Variants in CDH18 observed in about 807,000 individuals in gnomAD.
The protein encoded by CDH18 is cadherin-18.
A neutral mutation model predicts 67.9 loss-of-function variants in CDH18; 31 were observed. That is an observed-to-expected ratio of 0.46 (90% CI 0.34 to 0.62). The LOEUF is 0.62. Among genes scored for constraint, CDH18 ranks in the 20% least tolerant of loss-of-function variants. The pLI is 0.01. For synonymous variants in CDH18, 362 were observed against 347.2 expected (o/e 1.04, Z -0.48); for missense variants, 890 against 975.5 (o/e 0.91, Z 1.17).
At chr5:19,707,562 TA>T (rs1764131779) in intron 5 of CDH18, among the ~76,000 whole-genome samples, 1 of 152,174 alleles carries the variant, frequency 6.6e-6, no homozygotes, top group Non-Finnish European at 1.5e-5. Context: ...AAGGAACTGT[TA>T]TGAATATTTC....
At chr5:19,866,756 C>T (rs1338919461) in intron 2 of CDH18, among the ~76,000 whole-genome samples, 1 of 152,020 alleles carries the variant, frequency 6.6e-6, no homozygotes, top group Non-Finnish European at 1.5e-5. Context: ...TATAGTCATT[C>T]CACTCAATAG....
At chr5:20,568,384 T>C (rs949399834) in intron 1 of CDH18, among the ~76,000 whole-genome samples, 8 of 152,110 alleles carry the variant, frequency 5.3e-5, no homozygotes, top group African/African-American at 1.9e-4. Flanking sequence ...GTCACTTAGA[T>C]TGAAGGAAAA....
At chr5:20,167,434 A>G (rs1203413021) in intron 2 of CDH18, among the ~76,000 whole-genome samples, 1 of 152,016 alleles carries the variant, frequency 6.6e-6, no homozygotes, top group East Asian at 1.9e-4. Context: ...GAATTTAGAG[A>G]GCTCTCAGTC....
At chr5:20,216,278 A>C (rs543520708) in intron 2 of CDH18, among the ~76,000 whole-genome samples, 21 of 152,076 alleles carry the variant, frequency 1.4e-4, no homozygotes, top group African/African-American at 5.1e-4. Flanking sequence ...GAAAAATGGC[A>C]CCAAAAGACT....
chr5:20,023,323 C>T (rs910636806), intron 2 of CDH18, among the ~76,000 whole-genome samples: 3 of 152,114 alleles, frequency 2.0e-5, no homozygotes, highest in Non-Finnish European at 4.4e-5. Context: ...TGTTCCCTTT[C>T]TCTAATATTA....
At chr5:20,414,544 T>C (rs911406749) in intron 1 of CDH18, among the ~76,000 whole-genome samples, 1 of 152,156 alleles carries the variant, frequency 6.6e-6, no homozygotes, top group Non-Finnish European at 1.5e-5. Flanking sequence ...ATGGATTCAA[T>C]AGTAGCCCAA....
chr5:20,178,622 T>C (rs1485471583), intron 2 of CDH18, among the ~76,000 whole-genome samples: 2 of 151,488 alleles, frequency 1.3e-5, no homozygotes, highest in Non-Finnish European at 2.9e-5. Flanking sequence ...GTAATAAGTG[T>C]CCTGCTTTTC....
chr5:19,946,897 G>A (rs1202152013), intron 2 of CDH18, among the ~76,000 whole-genome samples: 2 of 152,014 alleles, frequency 1.3e-5, no homozygotes, highest in Non-Finnish European at 2.9e-5. Flanking sequence ...CGGTCAAGTG[G>A]GGTTTATTCA....
chr5:19,813,718 C>T (rs968021897), intron 3 of CDH18, among the ~76,000 whole-genome samples: 1 of 152,074 alleles, frequency 6.6e-6, no homozygotes, highest in Non-Finnish European at 1.5e-5. Flanking sequence ...GATATTTAAA[C>T]ACATTTGAAT....
intron 4 of CDH18, among the ~76,000 whole-genome samples, chr5:19,745,908 A>T (rs1255476642): frequency 6.6e-6 from 1 of 151,914 alleles, no homozygotes; most frequent in Non-Finnish European, 1.5e-5. Context: ...ATTTTTAAAA[A>T]ATATATATAC....
At chr5:20,037,652 C>A (rs1305654318) in intron 2 of CDH18, among the ~76,000 whole-genome samples, 1 of 151,998 alleles carries the variant, frequency 6.6e-6, no homozygotes, top group African/African-American at 2.4e-5. Context: ...TCTTTGAAAT[C>A]AATGACAACA....
chr5:19,638,989 T>TG (rs1561521163), intron 5 of CDH18, among the ~76,000 whole-genome samples: 113 of 92,178 alleles, frequency 1.2e-3, no homozygotes, highest in African/African-American at 4.3e-3. Context: ...TTTTTTTTTT[T>TG]TTTTTTTTTT....
chr5:19,640,616 A>G (rs990198706), intron 5 of CDH18, among the ~76,000 whole-genome samples: 4 of 152,074 alleles, frequency 2.6e-5, no homozygotes, highest in African/African-American at 9.7e-5. Context: ...TGAAGTCAAA[A>G]TGAAATTTAG....
intron 2 of CDH18, among the ~76,000 whole-genome samples, chr5:19,870,113 G>A (rs754787898): frequency 6.6e-6 from 1 of 152,068 alleles, no homozygotes; most frequent in African/African-American, 2.4e-5. Context: ...AAATATGTGT[G>A]AGATCTTAAA....
At chr5:19,593,665 TA>T (rs1745575888) in intron 6 of CDH18, among the ~76,000 whole-genome samples, 1 of 73,328 alleles carries the variant, frequency 1.4e-5, no homozygotes, top group Non-Finnish European at 3.1e-5. Context: ...CCTCCCCTTC[TA>T]CCTCCTTCTT....
At chr5:20,469,116 C>T (rs995186324) in intron 1 of CDH18, among the ~76,000 whole-genome samples, 1 of 152,120 alleles carries the variant, frequency 6.6e-6, no homozygotes, top group Non-Finnish European at 1.5e-5. Context: ...TCATTATCAC[C>T]ACCAAACCAA....
intron 11 of CDH18, among the ~76,000 whole-genome samples, chr5:19,501,762 G>C (rs1455863674): frequency 1.3e-5 from 2 of 152,030 alleles, no homozygotes; most frequent in Non-Finnish European, 2.9e-5. Context: ...AATCTCCTAA[G>C]GAAGCAAGTT....
Position 20,270,431 on chromosome 5 carries a change from T to TA in CDH18, c.-579-14927dup, listed in dbSNP as rs1332941747. On this transcript the variant is annotated intron_variant, in intron 1 of 14. Coordinates refer to the CDH18 transcript ENST00000507958. Reference sequence around the variant, plus strand: ...GTAATGCAAATCAAAACCATAATGATACATAATTTCACACCAGTCAGAATG... The same window carrying TA: ...GTAATGCAAATCAAAACCATAATGATAACATAATTTCACACCAGTCAGAATG... Among the ~76,000 whole-genome samples, 4 of 152,088 alleles carry TA rather than the reference T, an allele frequency of 2.6e-5. No individual in the cohort carries two copies. In the Middle Eastern group the frequency reaches 0.01, roughly 388 times the overall value.
At chr5:20,330,455 C>G (rs530342850) in intron 1 of CDH18, among the ~76,000 whole-genome samples, 48 of 152,274 alleles carry the variant, frequency 3.2e-4, no homozygotes, top group South Asian at 1.2e-3. Context: ...GAAAGGCGGT[C>G]TTCCAATAGA....
Sources: allele counts gnomAD v4.1 joint callset (sites outside exome capture counted in the v4.1 genomes callset), GRCh38; gene constraint gnomAD v4.1.1; transcripts MANE v1.5; gene names NCBI Gene and HGNC (gene_info 2026-07-23, HGNC 2026-07-21).